EXOC6: variants seen among roughly 807,000 people sequenced by gnomAD.
The protein encoded by EXOC6 is SEC15-like 1.
A neutral mutation model predicts 112.5 loss-of-function variants in EXOC6; 60 were observed. The observed-to-expected ratio is 0.53, with a 90% CI of 0.43 to 0.66. The LOEUF (loss-of-function observed/expected upper bound fraction) is 0.66. EXOC6 is among the 30% of genes least tolerant of loss of function. The pLI, the probability that EXOC6 is intolerant of heterozygous loss-of-function variation, is 0.00. For synonymous variants in EXOC6, 295 were observed against 308.0 expected (o/e 0.96, Z 0.44); for missense variants, 855 against 957.1 (o/e 0.89, Z 1.41).
intron 5 of EXOC6, among the ~76,000 whole-genome samples, chr10:92,904,478 C>T (rs61057049): frequency 0.01 from 1,576 of 152,046 alleles, 30 homozygotes; most frequent in African/African-American, 0.036. Flanking sequence ...GTCATTTTTT[C>T]GGATTTTGCC....
intron 1 of EXOC6, chr10:92,878,101 G>C (rs994125462): frequency 6.5e-6 from 1 of 153,862 alleles, no homozygotes; most frequent in Non-Finnish European, 1.5e-5. Flanking sequence ...TTGGGAGTGG[G>C]TGTATTCTGG....
intron 17 of EXOC6, among the ~76,000 whole-genome samples, chr10:92,967,871 C>A (rs10748587): frequency 1 from 152,327 of 152,330 alleles, 76,162 homozygotes; most frequent in Non-Finnish European, 1. Context: ...ATTACTGCCT[C>A]TCTTCAGTTG....
chr10:92,850,419 T>C (rs1847267572), intron 1 of EXOC6, among the ~76,000 whole-genome samples: 1 of 152,232 alleles, frequency 6.6e-6, no homozygotes, highest in African/African-American at 2.4e-5. Flanking sequence ...TATATTTGTG[T>C]CTCATTTATA....
chr10:92,836,712 T>A (rs1337890793), intron 1 of EXOC6, among the ~76,000 whole-genome samples: 3 of 152,166 alleles, frequency 2.0e-5, no homozygotes, highest in Non-Finnish European at 4.4e-5. Flanking sequence ...GAAGATTTCT[T>A]AGATTGGCAT....
At chr10:92,863,782 G>A (rs1363823403) in intron 1 of EXOC6, among the ~76,000 whole-genome samples, 26 of 151,942 alleles carry the variant, frequency 1.7e-4, no homozygotes, top group African/African-American at 6.3e-4. Flanking sequence ...GGGCGTGGTG[G>A]TGGGCACCTG....
chr10:92,963,642 C>T (rs1236999236), intron 17 of EXOC6, among the ~76,000 whole-genome samples: 2 of 151,250 alleles, frequency 1.3e-5, no homozygotes, highest in African/African-American at 4.9e-5. Context: ...TGCGTACCAT[C>T]TTACCTGGCC....
Position 92,935,893 on chromosome 10 carries a change from A to G in EXOC6, c.1212+8A>G, listed in dbSNP as rs1233586314. 6.5e-7 allele frequency: 1 copy of G among 1,536,504 alleles called. No individual in the cohort carries two copies. The highest frequency in any genetic ancestry group is 2.3e-5 in the East Asian group (1 of 44,236). On this transcript the variant is annotated splice_region_variant and intron_variant, in intron 12 of 21. Coordinates refer to ENST00000260762, the MANE Select transcript of EXOC6 (RefSeq NM_019053.6). ...TTTGCAGATACTTTACAGGTGGGTG[A>G]TAACCTAACAATTAATGGTTATTCT... is the stretch of plus-strand genomic sequence containing the variant.
rs370744597 is a variant in EXOC6, at chr10:92,909,518, A to C, written c.550A>C (p.Asn184His). The C allele has an allele frequency of 3.7e-6, 6 of 1,613,368 alleles. No homozygotes were observed. In the African/African-American group the frequency reaches 8.0e-5, roughly 22 times the overall value. The change falls in exon 6 of 22, where the codon AAT becomes CAT. Residue 184 changes from asparagine to histidine, a missense_variant. Transcript: ENST00000260762. ...CCGGTTTTGTCAGCTCATGATAGAA[A>C]ATCTTCCCAAACTCCGTGAGGATAT... ...QYRFCQLMIE[N>H]LPKLREDIKE...
intron 6 of EXOC6, among the ~76,000 whole-genome samples, 193 bp from the exon 7 acceptor site, chr10:92,915,565 A>AAT (rs1343390499): frequency 1.0e-4 from 11 of 109,216 alleles, no homozygotes; most frequent in Non-Finnish European, 2.0e-4. Flanking sequence ...TGAGACCCTG[A>AAT]TTTTTTTTTT....
At chr10:92,889,629 G>C (rs1429709234) in intron 1 of EXOC6, among the ~76,000 whole-genome samples, 2 of 152,002 alleles carry the variant, frequency 1.3e-5, no homozygotes, top group Non-Finnish European at 2.9e-5. Context: ...TTTATTTCTG[G>C]TCTGTCTATT....
chr10:92,875,360 T>A (rs1450520269), intron 1 of EXOC6, among the ~76,000 whole-genome samples: 1 of 152,114 alleles, frequency 6.6e-6, no homozygotes, highest in African/African-American at 2.4e-5. Context: ...GCATTCTACA[T>A]GGATACACAC....
chr10:92,954,132 T>C (rs551692187), intron 15 of EXOC6, among the ~76,000 whole-genome samples: 154 of 152,146 alleles, frequency 1.0e-3, no homozygotes, highest in African/African-American at 3.6e-3. Flanking sequence ...TATTTGAAAC[T>C]AGCTGGGCAT....
rs1554915172 is a variant in EXOC6, at chr10:92,998,628, C to CA, written c.2095+1013_2095+1014insA. Among the ~76,000 whole-genome samples, 6 of 141,346 alleles carry CA rather than the reference C, an allele frequency of 4.2e-5. No individual in the cohort carries two copies. The East Asian group carries it at 1.0e-3, about 24-fold the overall frequency. The allele number at this position is 141,346 out of a possible 152,430, so 92.7% of individuals were successfully genotyped here. Reference sequence around the variant, plus strand: ...GACAAGATCAATTGTCTGTTGCACACCACACACACACACACACACACACAC... The same window carrying CA: ...GACAAGATCAATTGTCTGTTGCACACACACACACACACACACACACACACAC... On this transcript the variant is annotated intron_variant, in intron 19 of 21. Coordinates refer to ENST00000260762, the MANE Select transcript of EXOC6 (RefSeq NM_019053.6).
intron 20 of EXOC6, among the ~76,000 whole-genome samples, chr10:93,021,270 C>T (rs768567699): frequency 3.3e-5 from 5 of 151,940 alleles, no homozygotes; most frequent in Admixed American, 6.6e-5. Flanking sequence ...CACTTGAAGC[C>T]GGGTGTCAAG....
chr10:92,963,942 T>C (rs938004418), intron 17 of EXOC6, among the ~76,000 whole-genome samples: 2 of 151,962 alleles, frequency 1.3e-5, no homozygotes, highest in African/African-American at 4.8e-5. Flanking sequence ...GATCAAATGG[T>C]AATCTGTGAT....
chr10:92,851,209 GA>G (rs1246389856), intron 1 of EXOC6, among the ~76,000 whole-genome samples: 1 of 152,190 alleles, frequency 6.6e-6, no homozygotes, highest in African/African-American at 2.4e-5. Context: ...AAATTCAGAA[GA>G]GTGGAAGAAA....
intron 1 of EXOC6, among the ~76,000 whole-genome samples, chr10:92,849,053 C>T (rs1404629290): frequency 2.0e-5 from 3 of 152,144 alleles, no homozygotes; most frequent in South Asian, 2.1e-4. Context: ...CAGCAGGCAC[C>T]CGGCGTGACG....
chr10:92,848,455 T>G (rs1221183432), upstream of EXOC6: 8 of 689,630 alleles, frequency 1.2e-5, no homozygotes, highest in Admixed American at 1.1e-4. Flanking sequence ...CCCCGCCCCT[T>G]CGCGCTCGCG....
chr10:92,830,912 C>G (rs1169509532), upstream of EXOC6, among the ~76,000 whole-genome samples: 1 of 152,154 alleles, frequency 6.6e-6, no homozygotes, highest in Non-Finnish European at 1.5e-5. Flanking sequence ...ATGGCTGTTT[C>G]AAAACTTTCC....
Sources: gnomAD v4.1 joint callset for allele counts (sites outside exome capture counted in the v4.1 genomes callset) on GRCh38, gnomAD v4.1.1 for gene constraint, MANE v1.5 for transcripts, NCBI Gene and HGNC (gene_info 2026-07-23, HGNC 2026-07-21) for gene names.